The following CSMD1 variants were observed in gnomAD, a reference collection of about 807,000 sequenced individuals.
CSMD1 encodes the protein CUB and Sushi multiple domains 1.
CSMD1 carries 213 observed loss-of-function variants against 417.5 expected under a neutral mutation model. That is an observed-to-expected ratio of 0.51 (90% CI 0.46 to 0.57). The LOEUF is 0.57. Among genes scored for constraint, CSMD1 ranks in the 20% least tolerant of loss-of-function variants. CSMD1 has a pLI of 0.00. For synonymous variants in CSMD1, 2,862 were observed against 1,736.8 expected, an observed-to-expected ratio of 1.65 and a Z score of -16.11; for missense variants, 6,923 against 4,529.7, an observed-to-expected ratio of 1.53 and a Z score of -15.17.
chr8:3,679,681 A>C (rs574124147), intron 7 of CSMD1, among the ~76,000 whole-genome samples: 5 of 152,214 alleles, frequency 3.3e-5, no homozygotes, highest in African/African-American at 1.2e-4. Flanking sequence ...TGCACCAAGC[A>C]GACCTAATAG....
intron 1 of CSMD1, among the ~76,000 whole-genome samples, chr8:4,647,499 C>T (rs566251201): frequency 3.0e-4 from 45 of 151,894 alleles, no homozygotes; most frequent in African/African-American, 1.1e-3. Context: ...TGGTTTGTTA[C>T]GTAGGTACGC....
chr8:3,441,839 C>G (rs564271655), intron 12 of CSMD1, among the ~76,000 whole-genome samples: 3 of 61,734 alleles, frequency 4.9e-5, no homozygotes, highest in Non-Finnish European at 5.8e-5. Flanking sequence ...GCTCCTTATA[C>G]TTACATTAAA....
At chr8:4,379,309 A>G (rs745808260) in intron 3 of CSMD1, among the ~76,000 whole-genome samples, 3 of 152,216 alleles carry the variant, frequency 2.0e-5, no homozygotes, top group Non-Finnish European at 4.4e-5. Context: ...CAAGAAAGAC[A>G]AGGAAAGACT....
At chr8:4,035,510 G>A (rs1351036893) in intron 3 of CSMD1, among the ~76,000 whole-genome samples, 2 of 146,142 alleles carry the variant, frequency 1.4e-5, no homozygotes, top group East Asian at 1.9e-4. Flanking sequence ...TTGCCCCGAA[G>A]ACCTTCTGGT....
At chr8:4,095,327 A>C (rs568122734) in intron 3 of CSMD1, among the ~76,000 whole-genome samples, 191 of 152,330 alleles carry the variant, frequency 1.3e-3, no homozygotes, top group African/African-American at 4.3e-3. Context: ...AACATTTGCC[A>C]CATTAGCAGC....
intron 1 of CSMD1, among the ~76,000 whole-genome samples, chr8:4,895,925 A>T (rs1476506962): frequency 6.6e-6 from 1 of 152,014 alleles, no homozygotes; most frequent in Non-Finnish European, 1.5e-5. Flanking sequence ...AATTGTTACC[A>T]ATTATTTTTT....
At chr8:4,672,200 G>C (rs1163239500) in intron 1 of CSMD1, among the ~76,000 whole-genome samples, 1 of 152,232 alleles carries the variant, frequency 6.6e-6, no homozygotes, top group Admixed American at 6.5e-5. Flanking sequence ...CTCAGGAAGA[G>C]AGGACAATGG....
At chr8:4,064,107 G>T (rs780557014) in intron 3 of CSMD1, among the ~76,000 whole-genome samples, 4 of 152,272 alleles carry the variant, frequency 2.6e-5, no homozygotes, top group African/African-American at 4.8e-5. Context: ...CTCTCCTGCA[G>T]CAAAGGGTCC....
chr8:4,400,498 G>C (rs1414458232), intron 3 of CSMD1, among the ~76,000 whole-genome samples: 3 of 152,146 alleles, frequency 2.0e-5, no homozygotes, highest in Admixed American at 6.5e-5. Context: ...GCAACATCAC[G>C]AGTTCTAAAA....
intron 2 of CSMD1, among the ~76,000 whole-genome samples, chr8:4,517,395 T>C (rs1421992980): frequency 6.6e-6 from 1 of 152,232 alleles, no homozygotes; most frequent in African/African-American, 2.4e-5. Flanking sequence ...CCCAGACCAC[T>C]GGCTTCCTCG....
At chr8:3,710,896 G>C (rs1462849842) in intron 6 of CSMD1, among the ~76,000 whole-genome samples, 1 of 152,108 alleles carries the variant, frequency 6.6e-6, no homozygotes, top group East Asian at 1.9e-4. Context: ...GGGGAGCATG[G>C]AGACAGGAGG....
intron 10 of CSMD1, among the ~76,000 whole-genome samples, chr8:3,539,172 G>A (rs1028617238): frequency 6.6e-6 from 1 of 152,098 alleles, no homozygotes; most frequent in African/African-American, 2.4e-5. Context: ...TGGCCGCAGG[G>A]CTCTTGCATT....
chr8:3,963,077 T>G (rs1812436217), intron 5 of CSMD1, among the ~76,000 whole-genome samples: 1 of 152,082 alleles, frequency 6.6e-6, no homozygotes, highest in Non-Finnish European at 1.5e-5. Flanking sequence ...ATTACAGGTA[T>G]GCACAACCAC....
intron 1 of CSMD1, among the ~76,000 whole-genome samples, chr8:4,868,440 T>G (rs1802543382): frequency 1.3e-5 from 2 of 152,000 alleles, no homozygotes; most frequent in Non-Finnish European, 2.9e-5. Context: ...TTTGCCACAT[T>G]GATCAGGCTG....
At chr8:3,969,315 C>G (rs762533571) in intron 5 of CSMD1, among the ~76,000 whole-genome samples, 1 of 152,080 alleles carries the variant, frequency 6.6e-6, no homozygotes. Context: ...AAAGGGCTTC[C>G]CAGGCCCATG....
intron 7 of CSMD1, among the ~76,000 whole-genome samples, chr8:3,654,995 G>C (rs1036251982): frequency 6.6e-6 from 1 of 152,058 alleles, no homozygotes; most frequent in Admixed American, 6.6e-5. Flanking sequence ...TGTGAAGAAA[G>C]GGAGACAGCA....
In CSMD1 at chr8:4,382,523, G is replaced by A. The variant is rs532080333; in HGVS notation, c.415+37430C>T. 2.0e-5 allele frequency among the ~76,000 whole-genome samples: 3 copies of A among 152,126 alleles called. No individual in the cohort carries two copies. The East Asian group carries it at 5.8e-4, about 29-fold the overall frequency. ...CTGTTCACCGCTCTTCTTTTAAACT[G>A]TATTGCAAAAAGGATTATAAAAAAC... On this transcript the variant is annotated intron_variant, in intron 3 of 69. Coordinates refer to ENST00000635120, the MANE Select transcript of CSMD1 (RefSeq NM_033225.6).
chr8:3,450,157 G>A (rs919918992), intron 12 of CSMD1, among the ~76,000 whole-genome samples: 1 of 152,170 alleles, frequency 6.6e-6, no homozygotes, highest in Non-Finnish European at 1.5e-5. Context: ...AACGTTGACT[G>A]TGGGTCTCTT....
At chr8:3,323,854 C>T (rs1337286750) in intron 23 of CSMD1, among the ~76,000 whole-genome samples, 3 of 149,818 alleles carry the variant, frequency 2.0e-5, no homozygotes, top group African/African-American at 7.4e-5. Context: ...AACAGACACA[C>T]ATCTAACACC....
Sources: allele counts gnomAD v4.1 joint callset (sites outside exome capture counted in the v4.1 genomes callset), GRCh38; gene constraint gnomAD v4.1.1; transcripts MANE v1.5; gene names NCBI Gene and HGNC (gene_info 2026-07-23, HGNC 2026-07-21).